Variants in CCDC42 observed in about 807,000 individuals in gnomAD.
CCDC42 encodes coiled-coil domain-containing protein 42.
Under a neutral mutation model 40.8 loss-of-function variants are expected in CCDC42, and 38 were observed. That is an observed-to-expected ratio of 0.93 (90% CI 0.72 to 1.22). The LOEUF (loss-of-function observed/expected upper bound fraction) is 1.22, where lower values mean the gene tolerates loss of function less well. CCDC42 is among the 50% of genes most tolerant of loss of function. The pLI, the probability that CCDC42 is intolerant of heterozygous loss-of-function variation, is 0.00. For synonymous variants in CCDC42, 135 were observed against 157.5 expected (o/e 0.86, Z 1.07); for missense variants, 379 against 416.5 (o/e 0.91, Z 0.78).
chr17:8,733,642 C>T (rs1188492070), intron 6 of CCDC42, among the ~76,000 whole-genome samples: 1 of 152,234 alleles, frequency 6.6e-6, no homozygotes, highest in Non-Finnish European at 1.5e-5. Flanking sequence ...AGGTGCCTGC[C>T]ACCATGCCCG....
rs879482716 is a variant in CCDC42 at position 8,735,733 on chromosome 17, G to T, written c.493-122C>A. Reference sequence around the variant, plus strand: ...GGACACCTGGGCAGGCAGGCCCTTGGCCAGGGTCACGGCCAGAGGCTGTGA... The same window carrying T: ...GGACACCTGGGCAGGCAGGCCCTTGTCCAGGGTCACGGCCAGAGGCTGTGA... On this transcript the variant is annotated intron_variant, in intron 4 of 6. Transcript: ENST00000293845. The surrounding 1 kb of genome is among the most constrained non-coding windows in gnomAD (Gnocchi z 4.7). 19 of 779,114 alleles carry T rather than the reference G, an allele frequency of 2.4e-5. No homozygotes were observed. Among genetic ancestry groups the T allele is most frequent in the Non-Finnish European group, 3.6e-5 (18 of 494,132 alleles). The allele number at this position is 779,114 out of a possible 1,614,324, so 48.3% of individuals were successfully genotyped here.
intron 4 of CCDC42, among the ~76,000 whole-genome samples, chr17:8,736,988 G>A (rs1220381786): frequency 7.0e-6 from 1 of 143,106 alleles, no homozygotes; most frequent in Non-Finnish European, 1.5e-5. Context: ...AGAGAGAGAG[G>A]GAGGGAGGGA....
At position 8,735,315 on chromosome 17, in the gene CCDC42, A is replaced by ATG. The variant is rs761885044; in HGVS notation, c.715-63_715-62dup. 2.5e-4 allele frequency: 406 copies of ATG among 1,601,078 alleles called. No individual in the cohort carries two copies. Among genetic ancestry groups the ATG allele is most frequent in the Non-Finnish European group, 3.0e-4 (356 of 1,169,894 alleles). On this transcript the variant is annotated intron_variant, in intron 5 of 6. Transcript: ENST00000293845. This position sits in a 1 kb window ranked among gnomAD's most constrained non-coding sequence, Gnocchi z 4.7. ...ATGTGGTGTGTGTGTGTTTGTGTGTATGTGTGTGTGTGTATGCTCAGGGCC... is the reference window on the plus strand; with the variant it reads ...ATGTGGTGTGTGTGTGTTTGTGTGTATGTGTGTGTGTGTGTATGCTCAGGGCC...
chr17:8,744,239 G>A, intron 1 of CCDC42, 55 bp from the exon 2 acceptor site: 2 of 1,374,956 alleles, frequency 1.5e-6, no homozygotes, highest in Admixed American at 3.6e-5. Flanking sequence ...GGTAGGCTGG[G>A]GCTGGGAGTA....
At chr17:8,743,008 G>A (rs2151140766) in intron 3 of CCDC42, among the ~76,000 whole-genome samples, 1 of 152,360 alleles carries the variant, frequency 6.6e-6, no homozygotes, top group South Asian at 2.1e-4. Flanking sequence ...GAAGGAAGGT[G>A]CTTAAGAGCG....
intron 4 of CCDC42, among the ~76,000 whole-genome samples, chr17:8,740,040 A>T (rs1428122258): frequency 6.6e-6 from 1 of 152,094 alleles, no homozygotes; most frequent in Non-Finnish European, 1.5e-5. Flanking sequence ...GGACCTTTAA[A>T]CAGTTGTGCA....
chr17:8,734,910 ACTGAGTCAGAGACT>A (rs1407135988), intron 6 of CCDC42, among the ~76,000 whole-genome samples, 172 bp downstream of exon 6: 1 of 152,174 alleles, frequency 6.6e-6, no homozygotes, highest in Non-Finnish European at 1.5e-5. Context: ...TCTCAGATCC[ACTGAGTCAGAGACT>A]CTGCGGGTGG....
intron 4 of CCDC42, 88 bp downstream of exon 4, chr17:8,741,386 G>T: frequency 7.4e-7 from 1 of 1,347,744 alleles, no homozygotes. Context: ...AGCTGAGCCT[G>T]AATTCCATCC....
chr17:8,736,845 G>T (rs2086614039), intron 4 of CCDC42, among the ~76,000 whole-genome samples: 1 of 151,912 alleles, frequency 6.6e-6, no homozygotes, highest in Admixed American at 6.6e-5. Context: ...TGGAATAGGG[G>T]GTTGTATGTT....
chr17:8,743,273 ACT>A (rs1567536500), intron 3 of CCDC42, among the ~76,000 whole-genome samples: 2 of 151,906 alleles, frequency 1.3e-5, no homozygotes, highest in Admixed American at 6.6e-5. Context: ...AGGGACTAAA[ACT>A]CTGTCTCATT....
At position 8,744,481 on chromosome 17, in the gene CCDC42, G is replaced by C. The variant is rs747528374; in HGVS notation, c.83+46C>G. The stretch of plus-strand genomic sequence containing the variant: ...GATGAGGTATGGGGTGGGTGTGAGT[G>C]GTCCCAGGCACAGAGGGGTGGGCAA... On this transcript the variant is annotated intron_variant, in intron 1 of 6. Transcript: ENST00000293845. 4.7e-6 allele frequency: 7 copies of C among 1,480,584 alleles called. No homozygotes were observed. In the South Asian group the frequency reaches 7.9e-5, roughly 17 times the overall value. The allele number at this position is 1,480,584 out of a possible 1,614,324, so 91.7% of individuals were successfully genotyped here. A position where few individuals can be genotyped will look rare whatever the true frequency, so the allele number is the denominator to read the frequency against.
At chr17:8,743,778 A>G (rs760392410) in intron 2 of CCDC42, 48 bp from the exon 3 acceptor site, 1 of 1,108,698 alleles carries the variant, frequency 9.0e-7, no homozygotes, top group African/African-American at 1.5e-5. Context: ...GGCTCCTGAC[A>G]TGAGTACCAA....
At chr17:8,744,487 A>C (rs927134932) in intron 1 of CCDC42, 40 bp downstream of exon 1, 6 of 1,535,720 alleles carry the variant, frequency 3.9e-6, no homozygotes, top group South Asian at 1.1e-5. Context: ...GAGTGGTCCC[A>C]GGCACAGAGG....
chr17:8,741,119 C>A (rs567846054), intron 4 of CCDC42, among the ~76,000 whole-genome samples: 2 of 152,304 alleles, frequency 1.3e-5, no homozygotes, highest in East Asian at 1.9e-4. Flanking sequence ...CACACACACA[C>A]CCCTTTAGAC....
At chr17:8,739,900 C>G (rs537706412) in intron 4 of CCDC42, among the ~76,000 whole-genome samples, 9 of 152,066 alleles carry the variant, frequency 5.9e-5, no homozygotes, top group Non-Finnish European at 1.2e-4. Context: ...TTCCTGCCCC[C>G]CCAACAAACC....
intron 3 of CCDC42, 136 bp downstream of exon 3, chr17:8,743,490 C>A: frequency 1.5e-6 from 1 of 666,504 alleles, no homozygotes; most frequent in Non-Finnish European, 2.8e-6. Context: ...AGGGACATGC[C>A]AGGCAATGTT....
In CCDC42 at chr17:8,743,734, TGGGGTG is replaced by T; in HGVS notation, c.190-10_190-5del. 1.3e-5 allele frequency: 17 copies of T among 1,294,792 alleles called. No individual in the cohort carries two copies. The highest frequency in any genetic ancestry group is 2.4e-5 in the South Asian group (2 of 84,348). The allele number at this position is 1,294,792 out of a possible 1,614,324, so 80.2% of individuals were successfully genotyped here. On this transcript the variant is annotated splice_polypyrimidine_tract_variant and splice_region_variant and intron_variant, in intron 2 of 6. Transcript: ENST00000293845. The stretch of plus-strand genomic sequence containing the variant: ...TTTCCATTCTGCGCTGAAACATCTT[TGGGGTG>T]GGGGTGGGAGAGCAGAGAGGTCAGG...
In CCDC42 at chr17:8,743,734, T is replaced by TG; in HGVS notation, c.190-5dup. The TG allele has an allele frequency of 7.7e-7, 1 of 1,294,994 alleles. No individual in the cohort carries two copies. The highest frequency in any genetic ancestry group is 1.1e-6 in the Non-Finnish European group (1 of 893,518). The allele number at this position is 1,294,994 out of a possible 1,614,324, so 80.2% of individuals were successfully genotyped here. On this transcript the variant is annotated splice_polypyrimidine_tract_variant and splice_region_variant and intron_variant, in intron 2 of 6. Coordinates refer to ENST00000293845, the MANE Select transcript of CCDC42 (RefSeq NM_144681.3). Reference sequence around the variant, plus strand: ...TTTCCATTCTGCGCTGAAACATCTTTGGGGTGGGGGTGGGAGAGCAGAGAG... The same window carrying TG: ...TTTCCATTCTGCGCTGAAACATCTTTGGGGGTGGGGGTGGGAGAGCAGAGAG...
In CCDC42 at chr17:8,744,650, A is replaced by C; in HGVS notation, c.-41T>G. On this transcript the variant is annotated 5_prime_UTR_variant, in exon 1 of 7. Transcript: ENST00000293845. Reference sequence around the variant, plus strand: ...ACGGCCCAGGCAGCTGACTCTTCACAGTGAAATTGTGGGTAGCAGAGCCAC... The same window carrying C: ...ACGGCCCAGGCAGCTGACTCTTCACCGTGAAATTGTGGGTAGCAGAGCCAC... The C allele has an allele frequency of 6.7e-7, 1 of 1,488,518 alleles. No homozygotes were observed. The highest frequency in any genetic ancestry group is 1.4e-5 in the African/African-American group (1 of 73,418). 92.2% of individuals were successfully genotyped at this position (1,488,518 alleles called of 1,614,324 possible).
Sources: gnomAD v4.1 joint callset for allele counts (sites outside exome capture counted in the v4.1 genomes callset) on GRCh38, gnomAD v4.1.1 for gene constraint, Gnocchi (gnomAD v3.1) non-coding constraint, MANE v1.5 for transcripts, NCBI Gene and HGNC (gene_info 2026-07-23, HGNC 2026-07-21) for gene names.